The following GMDS variants were observed in gnomAD, a reference collection of about 807,000 sequenced individuals.
GMDS encodes GDP-mannose 4,6-dehydratase.
GMDS carries 20 observed loss-of-function variants against 49.9 expected under a neutral mutation model. The ratio of observed to expected loss-of-function variants is 0.40; its 90% CI spans 0.28 to 0.58. The LOEUF is 0.58. Ranked by LOEUF, GMDS falls within the 20% of genes least tolerant of loss-of-function variation. The pLI, the probability that GMDS is intolerant of heterozygous loss-of-function variation, is 0.42. For synonymous variants in GMDS, 177 were observed against 178.6 expected, an observed-to-expected ratio of 0.99 and a Z score of 0.07; for missense variants, 362 against 481.4, an observed-to-expected ratio of 0.75 and a Z score of 2.32.
intron 8 of GMDS, among the ~76,000 whole-genome samples, chr6:1,737,638 C>T (rs570103101): frequency 1.0e-4 from 15 of 146,664 alleles, no homozygotes; most frequent in African/African-American, 3.8e-4. Context: ...TACACACGCA[C>T]ACATACATAC....
chr6:1,910,642 C>T (rs1334224247), intron 7 of GMDS, among the ~76,000 whole-genome samples: 1 of 152,154 alleles, frequency 6.6e-6, no homozygotes, highest in Admixed American at 6.5e-5. Flanking sequence ...GAGGACCCAA[C>T]ATACAGCACA....
chr6:2,034,785 T>C (rs911322551), intron 4 of GMDS, among the ~76,000 whole-genome samples: 5 of 152,168 alleles, frequency 3.3e-5, no homozygotes, highest in Non-Finnish European at 7.3e-5. Flanking sequence ...CTCACACGTA[T>C]ACAGTGAAGT....
At chr6:1,862,983 G>A (rs138386771) in intron 7 of GMDS, among the ~76,000 whole-genome samples, 232 of 152,268 alleles carry the variant, frequency 1.5e-3, no homozygotes, top group African/African-American at 5.3e-3. Context: ...AATTCATTAT[G>A]AGTAATAACT....
At chr6:1,935,540 C>T (rs1039613682) in intron 6 of GMDS, among the ~76,000 whole-genome samples, 4 of 152,142 alleles carry the variant, frequency 2.6e-5, no homozygotes, top group African/African-American at 7.2e-5. Flanking sequence ...TAGATGACTA[C>T]ATCTCTTAAT....
chr6:1,997,168 TA>T (rs1427017042), intron 4 of GMDS, among the ~76,000 whole-genome samples: 1 of 152,042 alleles, frequency 6.6e-6, no homozygotes, highest in Non-Finnish European at 1.5e-5. Flanking sequence ...AACTGCTTCT[TA>T]AGACCTGAGG....
chr6:1,850,597 G>C (rs1038911390), intron 7 of GMDS, among the ~76,000 whole-genome samples: 56 of 152,246 alleles, frequency 3.7e-4, no homozygotes, highest in African/African-American at 1.3e-3. Context: ...TTAAAAAAAA[G>C]TCTAGATTAG....
At chr6:1,834,874 C>G (rs1438619173) in intron 7 of GMDS, among the ~76,000 whole-genome samples, 1 of 152,168 alleles carries the variant, frequency 6.6e-6, no homozygotes. Context: ...TTTTATTACC[C>G]CCATCCACCT....
intron 9 of GMDS, among the ~76,000 whole-genome samples, chr6:1,702,810 T>C (rs933221926): frequency 4.6e-5 from 7 of 152,216 alleles, no homozygotes; most frequent in Non-Finnish European, 7.3e-5. Flanking sequence ...GCCCATCTGG[T>C]GACCCTAACC....
At chr6:1,991,638 G>A (rs903489918) in intron 4 of GMDS, among the ~76,000 whole-genome samples, 6 of 152,122 alleles carry the variant, frequency 3.9e-5, no homozygotes, top group African/African-American at 1.2e-4. Context: ...TGATCCCTAT[G>A]GTTGTTCTTT....
At chr6:1,792,694 A>G (rs1278009644) in intron 7 of GMDS, among the ~76,000 whole-genome samples, 2 of 152,236 alleles carry the variant, frequency 1.3e-5, no homozygotes, top group African/African-American at 2.4e-5. Context: ...GACTTGGTTT[A>G]GAATTTCAAA....
At chr6:1,928,445 T>C (rs147652424) in intron 7 of GMDS, among the ~76,000 whole-genome samples, 369 of 152,076 alleles carry the variant, frequency 2.4e-3, no homozygotes, top group African/African-American at 8.7e-3. Context: ...AAACAATAAA[T>C]AGATATTATT....
At chr6:1,790,712 C>T (rs933636541) in intron 7 of GMDS, among the ~76,000 whole-genome samples, 4 of 152,030 alleles carry the variant, frequency 2.6e-5, no homozygotes, top group Non-Finnish European at 5.9e-5. Flanking sequence ...TCATTTATAT[C>T]CACATGTACC....
intron 6 of GMDS, among the ~76,000 whole-genome samples, chr6:1,938,913 C>G (rs73718533): frequency 0.11 from 16,396 of 150,846 alleles, 957 homozygotes; most frequent in South Asian, 0.19. Context: ...TCTAAGTCGG[C>G]CATTTAACCC....
At chr6:2,209,570 TACACACAC>T (rs61216869) in intron 1 of GMDS, among the ~76,000 whole-genome samples, 209 of 135,988 alleles carry the variant, frequency 1.5e-3, no homozygotes, top group African/African-American at 3.4e-3. Flanking sequence ...CACATACACA[TACACACAC>T]ACACACACAC....
At chr6:1,927,588 C>T (rs1033564407) in intron 7 of GMDS, among the ~76,000 whole-genome samples, 2 of 152,212 alleles carry the variant, frequency 1.3e-5, no homozygotes, top group Non-Finnish European at 2.9e-5. Context: ...CTAATTCAAA[C>T]GTGGGCCTGT....
intron 7 of GMDS, among the ~76,000 whole-genome samples, chr6:1,889,116 C>T (rs1048407220): frequency 6.6e-6 from 1 of 152,146 alleles, no homozygotes; most frequent in African/African-American, 2.4e-5. Context: ...TCCATGGATG[C>T]GGAACGTGTA....
At chr6:1,727,130 G>A (rs1322354576) in intron 8 of GMDS, among the ~76,000 whole-genome samples, 1 of 152,114 alleles carries the variant, frequency 6.6e-6, no homozygotes, top group East Asian at 1.9e-4. Context: ...TTCCTGCTGA[G>A]TGAGGGTATA....
rs1320268085 is a variant in GMDS, at chr6:1,934,408, C to CA, written c.644-4179dup. ...TTTAGGATCAGCTTGTTGATTTCTG[C>CA]AAAAACACCAACAGGGATTCTGAAA... is the stretch of plus-strand genomic sequence containing the variant. On this transcript the variant is annotated intron_variant, in intron 6 of 10. Transcript: ENST00000380815. Among the ~76,000 whole-genome samples the CA allele has an allele frequency of 3.3e-5, 5 of 152,240 alleles. No individual in the cohort carries two copies. In the East Asian group the frequency reaches 9.6e-4, roughly 29 times the overall value.
intron 4 of GMDS, among the ~76,000 whole-genome samples, chr6:2,067,081 A>G (rs1771652516): frequency 1.3e-5 from 2 of 151,570 alleles, no homozygotes; most frequent in South Asian, 4.1e-4. Flanking sequence ...ACCACAGTGC[A>G]ATCAAATTAG....
Sources: allele counts gnomAD v4.1 joint callset (sites outside exome capture counted in the v4.1 genomes callset), GRCh38; gene constraint gnomAD v4.1.1; transcripts MANE v1.5; gene names NCBI Gene and HGNC (gene_info 2026-07-23, HGNC 2026-07-21).